Variants in VBP1 observed in about 807,000 individuals in gnomAD.
VBP1 encodes prefoldin subunit 3.
In VBP1, 4 loss-of-function variants were observed where a neutral mutation model predicts 15.5. The ratio of observed to expected loss-of-function variants is 0.26; its 90% confidence interval spans 0.13 to 0.59. The LOEUF (loss-of-function observed/expected upper bound fraction) is 0.59, where lower values mean the gene tolerates loss of function less well. VBP1 is among the 20% of genes least tolerant of loss of function. The pLI, the probability that VBP1 is intolerant of heterozygous loss-of-function variation, is 0.90. For synonymous variants in VBP1, 61 were observed against 52.1 expected (o/e 1.17, Z -0.74); for missense variants, 108 against 139.6 (o/e 0.77, Z 1.14).
At chrX:155,228,350 T>G (rs782267439) in intron 3 of VBP1, 34 bp from the exon 4 acceptor site, 2 of 1,117,360 alleles carry the variant, frequency 1.8e-6, no homozygotes, top group South Asian at 3.8e-5. Flanking sequence ...ACTGGCCTGT[T>G]TATGGTACTG....
chrX:155,235,086 C>T (rs1036523755), intron 4 of VBP1, among the ~76,000 whole-genome samples: 1 of 107,597 alleles, frequency 9.3e-6, no homozygotes, highest in Non-Finnish European at 1.9e-5. Flanking sequence ...TTTCATTTTG[C>T]GTGTCATTTC....
chrX:155,205,594 C>T (rs2074623473), intron 1 of VBP1, among the ~76,000 whole-genome samples: 1 of 111,873 alleles, frequency 8.9e-6, no homozygotes, highest in Non-Finnish European at 1.9e-5. Context: ...GGGCTCCCTG[C>T]TTCTGCCCTT....
At chrX:155,231,772 G>C (rs1557310891) in intron 4 of VBP1, among the ~76,000 whole-genome samples, 1 of 112,403 alleles carries the variant, frequency 8.9e-6, no homozygotes, top group Non-Finnish European at 1.9e-5. Context: ...TAGACACAGA[G>C]TTTGCCTCCT....
At chrX:155,216,197 C>A (rs1176180807), upstream of VBP1, among the ~76,000 whole-genome samples, 9 of 111,470 alleles carry the variant, frequency 8.1e-5, no homozygotes, top group Non-Finnish European at 1.5e-4. Context: ...TAGCACCGCT[C>A]ACTCACAAGA....
intron 1 of VBP1, among the ~76,000 whole-genome samples, chrX:155,197,350 A>G (rs1557306762): frequency 9.0e-6 from 1 of 111,693 alleles, no homozygotes; most frequent in South Asian, 3.7e-4. Context: ...CAATAATTAG[A>G]TGTCTTTAAA....
rs782798268 is a variant in VBP1 at position 155,207,370 on chromosome X, G to A, written c.-30-1504G>A. Among the ~76,000 whole-genome samples the A allele has an allele frequency of 3.6e-5, 4 of 112,061 alleles. No individual in the cohort carries two copies. The Admixed American group carries it at 3.8e-4, about 11-fold the overall frequency. On this transcript the variant is annotated intron_variant, in intron 1 of 6. Transcript: ENST00000535916. ...TCACCTAGGTTTCCTAAAAGGACTAGGTGCTCAGTCTAGTCACCACATGGG... is the reference window on the plus strand; with the variant it reads ...TCACCTAGGTTTCCTAAAAGGACTAAGTGCTCAGTCTAGTCACCACATGGG...
chrX:155,207,349 C>G (rs1406715228), intron 1 of VBP1, among the ~76,000 whole-genome samples: 1 of 111,757 alleles, frequency 8.9e-6, no homozygotes, highest in Non-Finnish European at 1.9e-5. Flanking sequence ...GTATATTCAC[C>G]TAGGTTTCCT....
At chrX:155,234,081 A>G (rs1447692747) in intron 4 of VBP1, among the ~76,000 whole-genome samples, 1 of 105,316 alleles carries the variant, frequency 9.5e-6, no homozygotes, top group African/African-American at 3.5e-5. Context: ...ATTCAGGACA[A>G]CAGAGTTTTC....
At chrX:155,222,947 A>G (rs1215175816) in intron 2 of VBP1, among the ~76,000 whole-genome samples, 1 of 110,915 alleles carries the variant, frequency 9.0e-6, no homozygotes, top group Admixed American at 9.6e-5. Flanking sequence ...GGTTCAAGCA[A>G]TTCTTCCATC....
rs1219206715 is a variant in VBP1 at position 155,201,277 on chromosome X, T to G, written c.-31+4138T>G. Among the ~76,000 whole-genome samples the G allele has an allele frequency of 3.6e-5, 4 of 109,625 alleles. No individual in the cohort carries two copies. In the Admixed American group the frequency reaches 3.9e-4, roughly 11 times the overall value. On this transcript the variant is annotated intron_variant, in intron 1 of 6. Transcript: ENST00000535916. The stretch of plus-strand genomic sequence containing the variant: ...TCATTTTATGAGACCAGCATCATCC[T>G]GATACCAAAGCCGGGCAGAGACACA...
chrX:155,214,366 T>G (rs186053356), upstream of VBP1, among the ~76,000 whole-genome samples: 219 of 112,447 alleles, frequency 1.9e-3, 1 homozygote, highest in African/African-American at 6.9e-3. Context: ...TTATACAGAA[T>G]TAACGATAAA....
chrX:155,218,349 G>C (rs1257372950), intron 1 of VBP1, among the ~76,000 whole-genome samples: 1 of 111,787 alleles, frequency 8.9e-6, no homozygotes, highest in Non-Finnish European at 1.9e-5. Context: ...TTACCACTTT[G>C]AGCTTGAGTT....
chrX:155,239,028 C>T lies in VBP1; in HGVS notation c.*186C>T. On this transcript the variant is annotated 3_prime_UTR_variant, in exon 6 of 6. Transcript: ENST00000286428. Reference sequence around the variant, plus strand: ...ATTTTTGACATTGTGATTTTTTTTTCCACATTTCTCAGCAAAGCTAATGGT... The same window carrying T: ...ATTTTTGACATTGTGATTTTTTTTTTCACATTTCTCAGCAAAGCTAATGGT... 3.0e-6 allele frequency: 1 copy of T among 329,848 alleles called. No homozygotes were observed. The highest frequency in any genetic ancestry group is 5.1e-6 in the Non-Finnish European group (1 of 195,672). The allele number at this position is 329,848 out of a possible 1,213,427, so 27.2% of individuals were successfully genotyped here.
intron 1 of VBP1, among the ~76,000 whole-genome samples, chrX:155,201,098 T>A (rs1442350585): frequency 1.8e-5 from 2 of 111,014 alleles, no homozygotes; most frequent in Non-Finnish European, 3.8e-5. Flanking sequence ...TAACAGGCCC[T>A]GAAATTGTGG....
intron 1 of VBP1, among the ~76,000 whole-genome samples, chrX:155,203,803 A>G (rs1271150975): frequency 8.9e-6 from 1 of 111,963 alleles, no homozygotes; most frequent in Non-Finnish European, 1.9e-5. Flanking sequence ...AATTACACCC[A>G]ATTGCTGTTA....
intron 2 of VBP1, among the ~76,000 whole-genome samples, chrX:155,222,038 A>G (rs1159712349): frequency 1.8e-5 from 2 of 112,875 alleles, no homozygotes; most frequent in Non-Finnish European, 3.7e-5. Flanking sequence ...GGTAGTTAGA[A>G]TATGGCATTT....
chrX:155,239,140 C>T lies in VBP1; in HGVS notation c.*298C>T, dbSNP rs1268066572. The T allele has an allele frequency of 1.0e-5, 2 of 198,400 alleles. No individual in the cohort carries two copies. Among genetic ancestry groups the T allele is most frequent in the Non-Finnish European group, 1.8e-5 (2 of 110,942 alleles). 16.4% of individuals were successfully genotyped at this position (198,400 alleles called of 1,213,427 possible). A position where few individuals can be genotyped will look rare whatever the true frequency, so the allele number is the denominator to read the frequency against. On this transcript the variant is annotated 3_prime_UTR_variant, in exon 6 of 6. Transcript: ENST00000286428. Reference sequence around the variant, plus strand: ...GAGACATGCTATGGAAGCTGAATGCCGGACGCTAGCACAGTTTACTTTTTC... The same window carrying T: ...GAGACATGCTATGGAAGCTGAATGCTGGACGCTAGCACAGTTTACTTTTTC...
chrX:155,207,236 A>G (rs1187623396), intron 1 of VBP1, among the ~76,000 whole-genome samples: 4 of 111,820 alleles, frequency 3.6e-5, no homozygotes, highest in African/African-American at 1.3e-4. Flanking sequence ...AGAGAAGCTG[A>G]CAGGAATCGG....
intron 1 of VBP1, among the ~76,000 whole-genome samples, chrX:155,198,657 GA>G (rs782022103): frequency 9.0e-6 from 1 of 110,730 alleles, no homozygotes; most frequent in Non-Finnish European, 1.9e-5. Flanking sequence ...CAAAGATGGG[GA>G]AAAAACAGAG....
Sources: allele counts gnomAD v4.1 joint callset (sites outside exome capture counted in the v4.1 genomes callset), GRCh38; gene constraint gnomAD v4.1.1; transcripts MANE v1.5; gene names NCBI Gene and HGNC (gene_info 2026-07-23, HGNC 2026-07-21).